The following MOCOS variants were observed in gnomAD, a reference collection of about 807,000 sequenced individuals.
MOCOS encodes the protein human molybdenum cofactor sulfurase.
MOCOS carries 86 observed loss-of-function variants against 83.6 expected under a neutral mutation model. That is an observed-to-expected ratio of 1.03 (90% confidence interval 0.86 to 1.23). MOCOS has a LOEUF of 1.23. Among genes scored for constraint, MOCOS ranks in the 50% most tolerant of loss-of-function variants. The pLI is 0.00. For missense variants in MOCOS, 1,120 were observed against 1,126.9 expected (o/e 0.99, Z 0.09); for synonymous variants, 445 against 434.7 (o/e 1.02, Z -0.29).
At chr18:36,233,669 C>T (rs895724076) in intron 9 of MOCOS, among the ~76,000 whole-genome samples, 1 of 152,136 alleles carries the variant, frequency 6.6e-6, no homozygotes, top group Non-Finnish European at 1.5e-5. Flanking sequence ...GTAAAGTGTT[C>T]CCTTTTCACC....
Position 36,260,062 on chromosome 18 carries a change from T to G in MOCOS, c.2296T>G (p.Phe766Val). 1 of 1,614,236 alleles carries G rather than the reference T, an allele frequency of 6.2e-7. No individual in the cohort carries two copies. The highest frequency in any genetic ancestry group is 8.5e-7 in the Non-Finnish European group (1 of 1,180,040). The change falls in exon 13 of 15, where the codon TTC becomes GTC. Residue 766 changes from phenylalanine (F) to valine (V), a missense_variant. By Grantham distance (50) the Phe-to-Val change is conservative. Transcript: ENST00000261326. ...TSDENGKEEL[F>V]SLKDLSLRFR... is the part of the protein sequence containing the mutation. ...TGATGAGAATGGAAAGGAGGAATTATTCTCACTGAAGGATCTCAGCTTGCG... is the reference window on the plus strand; with the variant it reads ...TGATGAGAATGGAAAGGAGGAATTAGTCTCACTGAAGGATCTCAGCTTGCG...
chr18:36,211,417 A>C (rs609589), intron 6 of MOCOS, among the ~76,000 whole-genome samples: 151,275 of 152,154 alleles, frequency 0.99, 75,205 homozygotes, highest in East Asian at 1. Flanking sequence ...ATGGGGATAA[A>C]AATATACCCT....
chr18:36,237,486 T>C (rs555263026), intron 9 of MOCOS, among the ~76,000 whole-genome samples: 1 of 152,356 alleles, frequency 6.6e-6, no homozygotes, highest in South Asian at 2.1e-4. Context: ...TGAAGCCCAG[T>C]TGATCATGGT....
intron 13 of MOCOS, among the ~76,000 whole-genome samples, chr18:36,261,038 C>T (rs568080): frequency 0.28 from 42,982 of 151,666 alleles, 6,295 homozygotes; most frequent in Non-Finnish European, 0.32. Flanking sequence ...TGTTTTATTC[C>T]CTGCTGTACC....
chr18:36,194,310 C>A (rs541989097), intron 1 of MOCOS, among the ~76,000 whole-genome samples: 1 of 152,200 alleles, frequency 6.6e-6, no homozygotes, highest in South Asian at 2.1e-4. Context: ...TAAAACAACC[C>A]ATTCTACACA....
rs528826166 is a variant in MOCOS, at chr18:36,226,998, C to T, written c.1960+6781C>T. 2.3e-4 allele frequency among the ~76,000 whole-genome samples: 34 copies of T among 150,990 alleles called. No homozygotes were observed. The South Asian group carries it at 6.1e-3, about 27-fold the overall frequency. On this transcript the variant is annotated intron_variant, in intron 9 of 14. Transcript: ENST00000261326. ...GCCACCTAGGCTCAAGCAATCATCC[C>T]ACCTAAGCCTCCTGAGTAGTCCTAA...
intron 6 of MOCOS, among the ~76,000 whole-genome samples, 197 bp from the exon 7 acceptor site, chr18:36,213,169 C>T (rs766998346): frequency 6.6e-6 from 1 of 152,180 alleles, no homozygotes; most frequent in Non-Finnish European, 1.5e-5. Context: ...GCAGCTGATG[C>T]CAAGAAGCCA....
At position 36,257,012 on chromosome 18, in the gene MOCOS, G is replaced by A; in HGVS notation, c.2209G>A (p.Ala737Thr). The change falls in exon 12 of 15, where the codon GCA (alanine) becomes ACA (threonine). Residue 737 changes from alanine (A) to threonine (T), a missense_variant. Physicochemically the swap from Ala to Thr is moderately conservative, Grantham distance 58. Transcript: ENST00000261326. ...GGCCACCCTTTCTCTGGTGAATGAG[G>A]CACAGTATCTGCTGATCAACACATC... is the stretch of plus-strand genomic sequence containing the variant. ...TMATLSLVNE[A>T]QYLLINTSSI... 6.2e-7 allele frequency: 1 copy of A among 1,614,098 alleles called. No individual in the cohort carries two copies. Among genetic ancestry groups the A allele is most frequent in the Non-Finnish European group, 8.5e-7 (1 of 1,180,000 alleles).
chr18:36,270,096 T>C lies in MOCOS; in HGVS notation c.*1411T>C, dbSNP rs1488204505. 1 of 152,218 alleles carries C rather than the reference T, an allele frequency of 6.6e-6. No homozygotes were observed. Among genetic ancestry groups the C allele is most frequent in the African/African-American group, 2.4e-5 (1 of 41,458 alleles). 9.4% of individuals were successfully genotyped at this position (152,218 alleles called of 1,614,324 possible). On this transcript the variant is annotated 3_prime_UTR_variant, in exon 15 of 15. Transcript: ENST00000261326. ...GAGTTAAGGGTAAAAAGTACAACTC[T>C]GACTCTGGTTCCTGAGATCACCGAA...
At position 36,205,214 on chromosome 18, in the gene MOCOS, C is replaced by T. The variant is rs2091430471; in HGVS notation, c.1156C>T (p.Gln386Ter). The T allele has an allele frequency of 6.2e-7, 1 of 1,613,972 alleles. No homozygotes were observed. Among genetic ancestry groups the T allele is most frequent in the Non-Finnish European group, 8.5e-7 (1 of 1,179,996 alleles). ...SDSEFSSPEV[Q>*]GPIINFNVLD... The stretch of plus-strand genomic sequence containing the variant: ...TTCTGAGTTCAGCAGCCCTGAGGTT[C>T]AGGGCCCAATCATCAATTTTAATGT... Residue 386 changes from glutamine to a stop codon, truncating the protein, a stop_gained, in exon 6 of 15, where the codon CAG becomes TAG. Coordinates refer to ENST00000261326, the MANE Select transcript of MOCOS (RefSeq NM_017947.4). LOFTEE classifies it high-confidence loss of function.
chr18:36,239,331 TG>T (rs2091572160), intron 9 of MOCOS, among the ~76,000 whole-genome samples: 1 of 149,690 alleles, frequency 6.7e-6, no homozygotes, highest in Non-Finnish European at 1.5e-5. Flanking sequence ...GCAGGCCTGG[TG>T]GTGACAAAAT....
At chr18:36,245,346 C>CT (rs1401031020) in intron 9 of MOCOS, among the ~76,000 whole-genome samples, 3 of 151,962 alleles carry the variant, frequency 2.0e-5, no homozygotes, top group Non-Finnish European at 4.4e-5. Flanking sequence ...GTCAGCATTT[C>CT]TTTTTCTAAA....
chr18:36,245,677 T>G (rs960193467), intron 9 of MOCOS, among the ~76,000 whole-genome samples: 3 of 152,200 alleles, frequency 2.0e-5, no homozygotes, highest in Non-Finnish European at 2.9e-5. Flanking sequence ...AGATCTCTAG[T>G]GAGATCAGAG....
At chr18:36,234,365 C>A (rs751061045) in intron 9 of MOCOS, among the ~76,000 whole-genome samples, 39 of 152,250 alleles carry the variant, frequency 2.6e-4, no homozygotes, top group Non-Finnish European at 4.0e-4. Context: ...TTTCTGGGTT[C>A]TTTATTCTGT....
intron 1 of MOCOS, among the ~76,000 whole-genome samples, chr18:36,193,174 G>T (rs1306902275): frequency 2.0e-5 from 3 of 150,346 alleles, no homozygotes; most frequent in Non-Finnish European, 4.4e-5. Flanking sequence ...AGCCGGGCGC[G>T]GTGGCGGGCG....
chr18:36,243,710 G>C (rs1046289907), intron 9 of MOCOS, among the ~76,000 whole-genome samples: 2 of 152,064 alleles, frequency 1.3e-5, no homozygotes, highest in African/African-American at 4.8e-5. Context: ...TTCTTTGAAT[G>C]TCTGACAGAA....
chr18:36,189,493 G>A (rs1001535004), intron 1 of MOCOS, among the ~76,000 whole-genome samples: 2 of 152,100 alleles, frequency 1.3e-5, no homozygotes, highest in African/African-American at 2.4e-5. Flanking sequence ...CCTCTTCCTC[G>A]TTCCTCCTCT....
chr18:36,268,223 A>G (rs1370433424), intron 14 of MOCOS, among the ~76,000 whole-genome samples: 1 of 152,230 alleles, frequency 6.6e-6, no homozygotes, highest in Non-Finnish European at 1.5e-5. Context: ...GGTGGTCACA[A>G]GCTGAGAGTA....
chr18:36,222,605 A>AT (rs201371655), intron 9 of MOCOS, among the ~76,000 whole-genome samples: 46,934 of 140,202 alleles, frequency 0.33, 8,238 homozygotes, highest in South Asian at 0.58. Flanking sequence ...TAATTTTTTA[A>AT]TTTTTTTTTT....
Sources: allele counts gnomAD v4.1 joint callset (sites outside exome capture counted in the v4.1 genomes callset), GRCh38; gene constraint gnomAD v4.1.1; transcripts MANE v1.5; gene names NCBI Gene and HGNC (gene_info 2026-07-23, HGNC 2026-07-21).